Variants in WFS1 observed in about 807,000 individuals in gnomAD.
WFS1 encodes wolframin.
Under a neutral mutation model 68.5 loss-of-function variants are expected in WFS1, and 90 were observed. The observed-to-expected ratio is 1.31, with a 90% CI of 1.11 to 1.56. WFS1 has a LOEUF of 1.56. Ranked by LOEUF, WFS1 falls within the 40% of genes most tolerant of loss-of-function variation. The pLI is 0.00. For missense variants in WFS1, 1,767 were observed against 1,232.6 expected (o/e 1.43, Z -6.49); for synonymous variants, 860 against 540.7 (o/e 1.59, Z -8.19).
At chr4:6,273,383 G>C (rs1729893218) in intron 1 of WFS1, among the ~76,000 whole-genome samples, 1 of 152,228 alleles carries the variant, frequency 6.6e-6, no homozygotes, top group East Asian at 1.9e-4. Context: ...CGGCTTCTAA[G>C]CCATTGCTGT....
intron 2 of WFS1, among the ~76,000 whole-genome samples, chr4:6,285,484 G>GA (rs1730288060): frequency 6.6e-6 from 1 of 152,146 alleles, no homozygotes; most frequent in African/African-American, 2.4e-5. Flanking sequence ...GCCTGACCAC[G>GA]AGAGCTTGTG....
chr4:6,299,745 G>GTGTGTGAA (rs1730793731), intron 7 of WFS1, among the ~76,000 whole-genome samples: 1 of 142,576 alleles, frequency 7.0e-6, no homozygotes, highest in Non-Finnish European at 1.5e-5. Flanking sequence ...TAGGTTGCGT[G>GTGTGTGAA]TGTGTGTGTA....
At position 6,287,531 on chromosome 4, in the gene WFS1, C is replaced by T. The variant is rs1730348529; in HGVS notation, c.315+356C>T. 6.6e-6 allele frequency among the ~76,000 whole-genome samples: 1 copy of T among 152,210 alleles called. No homozygotes were observed. The highest frequency in any genetic ancestry group is 6.5e-5 in the Admixed American group (1 of 15,280). On this transcript the variant is annotated intron_variant, in intron 3 of 7. Coordinates refer to ENST00000226760, the MANE Select transcript of WFS1 (RefSeq NM_006005.3). The surrounding 1 kb of genome is among the most constrained non-coding windows in gnomAD (Gnocchi z 6.4). Reference sequence around the variant, plus strand: ...GCCCACTCTTGTCTCCCTGACTGGCCTTTCACCTGGCTGTTAGCTGTGTGC... The same window carrying T: ...GCCCACTCTTGTCTCCCTGACTGGCTTTTCACCTGGCTGTTAGCTGTGTGC...
Position 6,300,955 on chromosome 4 carries a change from A to G in WFS1, c.1160A>G (p.Asn387Ser). 6.2e-7 allele frequency: 1 copy of G among 1,613,972 alleles called. No homozygotes were observed. The change falls in exon 8 of 8, where the codon AAC (asparagine) becomes AGC (serine). Residue 387 changes from asparagine (N) to serine (S), a missense_variant. Physicochemically the swap from Asn to Ser is conservative, Grantham distance 46. Coordinates refer to ENST00000226760, the MANE Select transcript of WFS1 (RefSeq NM_006005.3). ...LTDLLLRFEP[N>S]LDVEQAEVNF... ...GACCTGCTGCTGCGCTTCGAGCCCAACCTGGATGTGGAGCAGGCCGAGGTC... is the reference window on the plus strand; with the variant it reads ...GACCTGCTGCTGCGCTTCGAGCCCAGCCTGGATGTGGAGCAGGCCGAGGTC...
intron 5 of WFS1, 85 bp from the exon 6 acceptor site, chr4:6,291,832 G>A (rs1193606684): frequency 7.0e-7 from 1 of 1,430,852 alleles, no homozygotes; most frequent in Non-Finnish European, 9.6e-7. Flanking sequence ...CGTGCCCTAG[G>A]AACAGTGCGC....
rs914942571 is a variant in WFS1, at chr4:6,302,520, C to T, written c.*52C>T. The T allele has an allele frequency of 4.4e-6, 7 of 1,605,228 alleles. No homozygotes were observed. The highest frequency in any genetic ancestry group is 5.9e-6 in the Non-Finnish European group (7 of 1,178,372). ...GTGCATGTTGCCATGAGGCCTTTCCCCAGTGTGGCCCCAGCCCGACAGGCA... is the reference window on the plus strand; with the variant it reads ...GTGCATGTTGCCATGAGGCCTTTCCTCAGTGTGGCCCCAGCCCGACAGGCA... On this transcript the variant is annotated 3_prime_UTR_variant, in exon 8 of 8. Coordinates refer to ENST00000226760, the MANE Select transcript of WFS1 (RefSeq NM_006005.3).
At chr4:6,295,277 T>G (rs937225156) in intron 7 of WFS1, 88 bp downstream of exon 7, 1 of 1,552,408 alleles carries the variant, frequency 6.4e-7, no homozygotes, top group Non-Finnish European at 8.8e-7. Context: ...AAGCTGCAGG[T>G]GGGGAGGTTC....
intron 6 of WFS1, among the ~76,000 whole-genome samples, chr4:6,294,078 GGTCT>G (rs1730554856): frequency 6.6e-6 from 1 of 152,182 alleles, no homozygotes; most frequent in Admixed American, 6.5e-5. Context: ...TCCATTAGGA[GGTCT>G]GTCAGCGCCC....
chr4:6,298,120 G>T (rs536378964), intron 7 of WFS1, among the ~76,000 whole-genome samples: 1 of 152,250 alleles, frequency 6.6e-6, no homozygotes, highest in East Asian at 1.9e-4. Flanking sequence ...GCGGTCGTGC[G>T]TGAAACTGGT....
At chr4:6,276,013 G>T (rs939804988) in intron 1 of WFS1, among the ~76,000 whole-genome samples, 48 of 152,346 alleles carry the variant, frequency 3.2e-4, no homozygotes, top group African/African-American at 1.1e-3. Context: ...GGACCACACA[G>T]CTGGTGGGCA....
At chr4:6,295,296 CAA>C (rs1473601787) in intron 7 of WFS1, 107 bp downstream of exon 7, 10 of 1,373,550 alleles carry the variant, frequency 7.3e-6, no homozygotes, top group East Asian at 4.6e-5. Context: ...TCGCGCCTAA[CAA>C]AGAGTGTCTT....
rs748205778 is a variant in WFS1 at position 6,301,316 on chromosome 4, CTA to C, written c.1523_1524del (p.Tyr508CysfsTer34). On this transcript the variant is annotated frameshift_variant, in exon 8 of 8. Coordinates refer to ENST00000226760, the MANE Select transcript of WFS1 (RefSeq NM_006005.3). LOFTEE classifies it high-confidence loss of function. The part of the protein sequence containing the change: ...VLNVSVPCLL[Y>X]VYLLYLFFRM... Reference sequence around the variant, plus strand: ...TCAACGTCAGCGTCCCGTGCCTGCTCTATGTCTACCTGCTCTATCTCTTCTTC... The same window carrying C: ...TCAACGTCAGCGTCCCGTGCCTGCTCTGTCTACCTGCTCTATCTCTTCTTC... 2.5e-6 allele frequency: 4 copies of C among 1,611,626 alleles called. No individual in the cohort carries two copies. Among genetic ancestry groups the C allele is most frequent in the South Asian group, 1.1e-5 (1 of 91,076 alleles).
chr4:6,284,774 G>A (rs529090326), intron 2 of WFS1, among the ~76,000 whole-genome samples: 12 of 151,248 alleles, frequency 7.9e-5, no homozygotes, highest in Middle Eastern at 3.4e-3. Flanking sequence ...AAGCTGCTTC[G>A]GAGCAGTGAT....
chr4:6,286,698 T>C (rs1445503666), intron 2 of WFS1, among the ~76,000 whole-genome samples: 1 of 152,212 alleles, frequency 6.6e-6, no homozygotes, highest in East Asian at 1.9e-4. Context: ...AGGTGCTTTG[T>C]ATTATTTAGG....
intron 1 of WFS1, among the ~76,000 whole-genome samples, chr4:6,274,232 A>G (rs907855484): frequency 6.6e-6 from 1 of 151,990 alleles, no homozygotes; most frequent in Non-Finnish European, 1.5e-5. Context: ...TATTTTTAAT[A>G]GAGACGGGGT....
intron 2 of WFS1, among the ~76,000 whole-genome samples, chr4:6,282,009 C>G (rs951496566): frequency 1.3e-5 from 2 of 152,202 alleles, no homozygotes; most frequent in Non-Finnish European, 2.9e-5. Flanking sequence ...CCCCAACTCT[C>G]ATGGGTGGAC....
rs71530903 is a variant in WFS1 at position 6,291,504 on chromosome 4, A to G, written c.631+137A>G. On this transcript the variant is annotated intron_variant, in intron 5 of 7. Transcript: ENST00000226760. The stretch of plus-strand genomic sequence containing the variant: ...AGGAGCCGGGACCTTCCCTGTGAGG[A>G]CAGGGCCCTTCCTTGTGGGGACCAG... 3,763 of 1,223,944 alleles carry G rather than the reference A, an allele frequency of 3.1e-3. 94 individuals carry two copies. In the South Asian group the frequency reaches 0.036, roughly 12 times the overall value. The allele number at this position is 1,223,944 out of a possible 1,614,324, so 75.8% of individuals were successfully genotyped here. A position where few individuals can be genotyped will look rare whatever the true frequency, so the allele number is the denominator to read the frequency against.
At chr4:6,294,847 A>G (rs1730580916) in intron 6 of WFS1, 194 bp from the exon 7 acceptor site, 1 of 829,794 alleles carries the variant, frequency 1.2e-6, no homozygotes, top group African/African-American at 1.7e-5. Flanking sequence ...CACTTGGCAA[A>G]CCTGCCCCCT....
rs1730329194 is a variant in WFS1 at position 6,287,012 on chromosome 4, C to T, written c.233-81C>T. 8.0e-7 allele frequency: 1 copy of T among 1,255,396 alleles called. No homozygotes were observed. The highest frequency in any genetic ancestry group is 1.1e-6 in the Non-Finnish European group (1 of 877,588). 77.8% of individuals were successfully genotyped at this position (1,255,396 alleles called of 1,614,324 possible). On this transcript the variant is annotated intron_variant, in intron 2 of 7. Coordinates refer to ENST00000226760, the MANE Select transcript of WFS1 (RefSeq NM_006005.3). This position sits in a 1 kb window ranked among gnomAD's most constrained non-coding sequence, Gnocchi z 6.4. ...GACAAGCAGCAGCAGATCTGAAGACCCTCATGCCTTGTCCCCTCCATCCTG... is the reference window on the plus strand; with the variant it reads ...GACAAGCAGCAGCAGATCTGAAGACTCTCATGCCTTGTCCCCTCCATCCTG...
Sources: gnomAD v4.1 joint callset for allele counts (sites outside exome capture counted in the v4.1 genomes callset) on GRCh38, gnomAD v4.1.1 for gene constraint, Gnocchi (gnomAD v3.1) non-coding constraint, MANE v1.5 for transcripts, NCBI Gene and HGNC (gene_info 2026-07-23, HGNC 2026-07-21) for gene names.